The following SUDS3 variants were observed in gnomAD, a reference collection of about 807,000 sequenced individuals.
SUDS3 encodes sin3 histone deacetylase corepressor complex component SDS3.
Under a neutral mutation model 53.5 loss-of-function variants are expected in SUDS3, and 23 were observed. That is an observed-to-expected ratio of 0.43 (90% CI 0.31 to 0.61). The LOEUF is 0.61. SUDS3 is among the 20% of genes least tolerant of loss of function. SUDS3 has a pLI of 0.10. For missense variants in SUDS3, 291 were observed against 405.9 expected (o/e 0.72, Z 2.43); for synonymous variants, 150 against 148.5 (o/e 1.01, Z -0.08).
chr12:118,407,036 A>G (rs1309818701), intron 10 of SUDS3, among the ~76,000 whole-genome samples: 1 of 151,866 alleles, frequency 6.6e-6, no homozygotes, highest in African/African-American at 2.4e-5. Flanking sequence ...AGCTGGGACT[A>G]CAGTCCTCCA....
At chr12:118,391,362 AC>A in intron 6 of SUDS3, 80 bp downstream of exon 6, 1 of 1,488,158 alleles carries the variant, frequency 6.7e-7, no homozygotes, top group Non-Finnish European at 9.0e-7. Flanking sequence ...CTTTTGTCTT[AC>A]ATTTCAAGAG....
At chr12:118,382,388 ATC>A (rs2046074382) in intron 2 of SUDS3, among the ~76,000 whole-genome samples, 2 of 146,418 alleles carry the variant, frequency 1.4e-5, no homozygotes, top group East Asian at 4.1e-4. Context: ...TTGAGACAGT[ATC>A]TTGTTTTGTT....
intron 10 of SUDS3, among the ~76,000 whole-genome samples, chr12:118,404,799 A>G (rs1036383679): frequency 4.6e-5 from 7 of 152,224 alleles, no homozygotes; most frequent in African/African-American, 1.7e-4. Flanking sequence ...TATCTAACCA[A>G]AAGTTCCAAA....
intron 2 of SUDS3, among the ~76,000 whole-genome samples, chr12:118,383,684 TTGTG>T (rs1052163571): frequency 2.6e-5 from 4 of 152,244 alleles, no homozygotes; most frequent in Non-Finnish European, 4.4e-5. Flanking sequence ...CATTTCTACA[TTGTG>T]TGTGTGCTTG....
At chr12:118,410,555 CTTTATTTATTTATTTATTTATTTATTTTA>C (rs2046348853) in intron 10 of SUDS3, among the ~76,000 whole-genome samples, 1 of 148,894 alleles carries the variant, frequency 6.7e-6, no homozygotes, top group African/African-American at 2.5e-5. Flanking sequence ...GGATGGAAGC[CTTTATTTATTTATTTATTTATTTATTTTA>C]TTTATTTATT....
chr12:118,388,635 A>T (rs1383904959), intron 4 of SUDS3, among the ~76,000 whole-genome samples: 1 of 152,130 alleles, frequency 6.6e-6, no homozygotes, highest in Non-Finnish European at 1.5e-5. Context: ...GAAGGGCATG[A>T]TGTGTGAAGA....
In SUDS3 at chr12:118,416,603, T is replaced by C. The variant is rs983438129; in HGVS notation, c.*2170T>C. 6.6e-6 allele frequency: 1 copy of C among 152,222 alleles called. No individual in the cohort carries two copies. The highest frequency in any genetic ancestry group is 6.5e-5 in the Admixed American group (1 of 15,288). 9.4% of individuals were successfully genotyped at this position (152,222 alleles called of 1,614,324 possible). A position where few individuals can be genotyped will look rare whatever the true frequency, so the allele number is the denominator to read the frequency against. On this transcript the variant is annotated 3_prime_UTR_variant, in exon 12 of 12. Coordinates refer to ENST00000543473, the MANE Select transcript of SUDS3 (RefSeq NM_022491.3). ...GAGAAGTCCATTTTGAGAATCAGCA[T>C]AGTAAATTACATTTCTAATCCCAGA...
chr12:118,407,391 A>C (rs548611096), intron 10 of SUDS3, among the ~76,000 whole-genome samples: 1 of 152,244 alleles, frequency 6.6e-6, no homozygotes, highest in East Asian at 1.9e-4. Context: ...GGCCACCTCT[A>C]CTTTGGAGCA....
intron 7 of SUDS3, 35 bp downstream of exon 7, chr12:118,400,789 T>TA: frequency 1.3e-6 from 2 of 1,589,514 alleles, no homozygotes; most frequent in Non-Finnish European, 1.7e-6. Context: ...CCGCCTTTCT[T>TA]TTTTAAGACT....
At chr12:118,379,509 G>A (rs1162620654) in intron 1 of SUDS3, among the ~76,000 whole-genome samples, 2 of 152,174 alleles carry the variant, frequency 1.3e-5, no homozygotes, top group Non-Finnish European at 2.9e-5. Flanking sequence ...TCAGAGACTT[G>A]AGCAGCTGAG....
In SUDS3 at chr12:118,391,179, A is replaced by C; in HGVS notation, c.414A>C (p.Glu138Asp). 6.2e-7 allele frequency: 1 copy of C among 1,613,886 alleles called. No homozygotes were observed. The highest frequency in any genetic ancestry group is 8.5e-7 in the Non-Finnish European group (1 of 1,179,874). The change falls in exon 6 of 12, where the codon GAA (glutamate) becomes GAC (aspartate). Residue 138 changes from glutamate (E) to aspartate (D), a missense_variant. By Grantham distance (45) the Glu-to-Asp change is conservative (BLOSUM62 2). This residue lies in a region of SUDS3 where 55 missense variants were observed against 124.2 expected (regional missense o/e 0.44). Coordinates refer to ENST00000543473, the MANE Select transcript of SUDS3 (RefSeq NM_022491.3). Reference protein sequence around the residue: ...YIKEKKAAVKEFEDKKVELKE... With the variant: ...YIKEKKAAVKDFEDKKVELKE... Reference sequence around the variant, plus strand: ...AAGAAAAGAAGGCAGCAGTGAAAGAATTTGAAGACAAGAAGGTTGAGCTGA... The same window carrying C: ...AAGAAAAGAAGGCAGCAGTGAAAGACTTTGAAGACAAGAAGGTTGAGCTGA...
Position 118,395,084 on chromosome 12 carries a change from G to C in SUDS3, c.517+3802G>C, listed in dbSNP as rs2046201582. 2.0e-5 allele frequency among the ~76,000 whole-genome samples: 3 copies of C among 152,174 alleles called. No homozygotes were observed. The South Asian group carries it at 6.2e-4, about 32-fold the overall frequency. On this transcript the variant is annotated intron_variant, in intron 6 of 11. Transcript: ENST00000543473. ...ATAGATGCTAATGAGTAGCTATTTG[G>C]GTGTCAAGACAAGAGGAAGAGGCCC...
chr12:118,379,626 CAGAAG>C (rs1243834625), intron 1 of SUDS3, among the ~76,000 whole-genome samples: 1 of 152,258 alleles, frequency 6.6e-6, no homozygotes. Context: ...GGGTATGTAT[CAGAAG>C]AGAATGTACA....
intron 6 of SUDS3, among the ~76,000 whole-genome samples, chr12:118,396,255 A>G (rs985428467): frequency 3.9e-5 from 6 of 152,074 alleles, no homozygotes; most frequent in Non-Finnish European, 7.4e-5. Context: ...TTTTAAATTT[A>G]AAGTACATTT....
chr12:118,399,777 A>G (rs1402250568), intron 6 of SUDS3, among the ~76,000 whole-genome samples: 1 of 152,060 alleles, frequency 6.6e-6, no homozygotes, highest in Non-Finnish European at 1.5e-5. Flanking sequence ...AGATACAGGA[A>G]AAGAAGCAAC....
intron 4 of SUDS3, among the ~76,000 whole-genome samples, chr12:118,388,392 A>G (rs866876766): frequency 6.6e-6 from 1 of 152,196 alleles, no homozygotes; most frequent in Non-Finnish European, 1.5e-5. Context: ...TAGACTGAGA[A>G]TAGCACACCC....
intron 6 of SUDS3, among the ~76,000 whole-genome samples, chr12:118,394,450 C>T (rs747522499): frequency 9.2e-5 from 14 of 152,192 alleles, no homozygotes; most frequent in Non-Finnish European, 1.8e-4. Context: ...CAGTGTCTGT[C>T]TCACTCCAAG....
chr12:118,402,193 C>A, intron 9 of SUDS3, 189 bp downstream of exon 9: 1 of 586,372 alleles, frequency 1.7e-6, no homozygotes, highest in Non-Finnish European at 3.0e-6. Context: ...TTTTTCATAA[C>A]CCCTGCTTTG....
rs2046407462 is a variant in SUDS3 at position 118,417,101 on chromosome 12, C to T, written c.*2668C>T. 1 of 152,070 alleles carries T rather than the reference C, an allele frequency of 6.6e-6. No individual in the cohort carries two copies. The highest frequency in any genetic ancestry group is 2.1e-4 in the South Asian group (1 of 4,832). 9.4% of individuals were successfully genotyped at this position (152,070 alleles called of 1,614,324 possible). On this transcript the variant is annotated 3_prime_UTR_variant, in exon 12 of 12. Coordinates refer to ENST00000543473, the MANE Select transcript of SUDS3 (RefSeq NM_022491.3). ...CCCTGCCTACCCCCTTTTCCCTGAA[C>T]CACGTCCTTTTGAATAATTTCCAGA...
Sources: gnomAD v4.1 joint callset for allele counts (sites outside exome capture counted in the v4.1 genomes callset) on GRCh38, gnomAD v4.1.1 for gene constraint, gnomAD v4.1.1 regional missense constraint, MANE v1.5 for transcripts, NCBI Gene and HGNC (gene_info 2026-07-23, HGNC 2026-07-21) for gene names.